The following CPNE8 variants were observed in gnomAD, a reference collection of about 807,000 sequenced individuals.
CPNE8 encodes the protein copine 8.
Under a neutral mutation model 81.5 loss-of-function variants are expected in CPNE8, and 45 were observed. That is an observed-to-expected ratio of 0.55 (90% CI 0.44 to 0.71). The LOEUF (loss-of-function observed/expected upper bound fraction) is 0.71, where lower values mean the gene tolerates loss of function less well. CPNE8 is among the 30% of genes least tolerant of loss of function. The pLI is 0.00. For synonymous variants in CPNE8, 252 were observed against 226.3 expected (o/e 1.11, Z -1.02); for missense variants, 594 against 672.1 (o/e 0.88, Z 1.28).
chr12:38,695,073 G>T (rs1939763684), intron 14 of CPNE8, among the ~76,000 whole-genome samples: 1 of 152,108 alleles, frequency 6.6e-6, no homozygotes, highest in African/African-American at 2.4e-5. Context: ...TTATCAAAAT[G>T]GCCTAATGTT....
chr12:38,900,162 C>T (rs1289017439), intron 1 of CPNE8, among the ~76,000 whole-genome samples: 4 of 149,502 alleles, frequency 2.7e-5, no homozygotes, highest in African/African-American at 9.7e-5. Context: ...AAAGTATCTT[C>T]CTAACACCCT....
chr12:38,825,685 C>T (rs1297286693), intron 6 of CPNE8, among the ~76,000 whole-genome samples: 3 of 152,206 alleles, frequency 2.0e-5, no homozygotes, highest in African/African-American at 7.2e-5. Context: ...CTTCAATCCA[C>T]ATGTTCTTCC....
At chr12:38,707,511 C>T (rs946176146) in intron 13 of CPNE8, among the ~76,000 whole-genome samples, 2 of 151,862 alleles carry the variant, frequency 1.3e-5, no homozygotes, top group African/African-American at 4.8e-5. Context: ...AAGGCAGGAC[C>T]AATGAGCACT....
intron 10 of CPNE8, among the ~76,000 whole-genome samples, chr12:38,734,907 T>A (rs1000817922): frequency 3.9e-5 from 6 of 152,136 alleles, no homozygotes; most frequent in Non-Finnish European, 8.8e-5. Flanking sequence ...CACACGCATG[T>A]GGCTTGTGTT....
intron 1 of CPNE8, among the ~76,000 whole-genome samples, chr12:38,886,194 G>T (rs1944234844): frequency 6.6e-6 from 1 of 152,144 alleles, no homozygotes; most frequent in South Asian, 2.1e-4. Context: ...ACCTGGCAGG[G>T]TGCCACCTCT....
At chr12:38,740,695 T>C (rs1941078080) in intron 10 of CPNE8, among the ~76,000 whole-genome samples, 1 of 152,224 alleles carries the variant, frequency 6.6e-6, no homozygotes, top group South Asian at 2.1e-4. Flanking sequence ...ATTACGTTTA[T>C]TGATTTGCAT....
At chr12:38,851,814 G>T (rs1943650970) in intron 3 of CPNE8, among the ~76,000 whole-genome samples, 1 of 152,080 alleles carries the variant, frequency 6.6e-6, no homozygotes, top group Non-Finnish European at 1.5e-5. Context: ...AAAGGTCCTG[G>T]CTCCTATTTT....
At chr12:38,873,112 A>C (rs1592148644) in intron 2 of CPNE8, 62 bp from the exon 3 acceptor site, 1 of 1,000,124 alleles carries the variant, frequency 1.0e-6, no homozygotes, top group Non-Finnish European at 1.5e-6. Context: ...ATGTGAATGT[A>C]TACAATTTAT....
At chr12:38,858,376 C>T (rs541325175) in intron 3 of CPNE8, among the ~76,000 whole-genome samples, 129 of 152,254 alleles carry the variant, frequency 8.5e-4, no homozygotes, top group African/African-American at 2.6e-3. Flanking sequence ...TAAACAACAA[C>T]TTTTATTAAA....
chr12:38,775,186 A>G (rs1223308928), intron 7 of CPNE8, among the ~76,000 whole-genome samples: 2 of 152,106 alleles, frequency 1.3e-5, no homozygotes, highest in African/African-American at 2.4e-5. Context: ...GTGCAGTGGC[A>G]CAATAGCTCA....
At chr12:38,773,457 T>C (rs887939761) in intron 7 of CPNE8, among the ~76,000 whole-genome samples, 1 of 152,080 alleles carries the variant, frequency 6.6e-6, no homozygotes, top group African/African-American at 2.4e-5. Flanking sequence ...ATTAAATATG[T>C]CCAGTTATTT....
At chr12:38,784,468 A>C (rs972419595) in intron 6 of CPNE8, among the ~76,000 whole-genome samples, 1 of 152,198 alleles carries the variant, frequency 6.6e-6, no homozygotes, top group Non-Finnish European at 1.5e-5. Flanking sequence ...CAAAGAGATA[A>C]TAACTGAGAA....
intron 11 of CPNE8, among the ~76,000 whole-genome samples, chr12:38,729,612 G>A (rs905055259): frequency 2.2e-4 from 34 of 152,012 alleles, no homozygotes; most frequent in Non-Finnish European, 4.4e-5. Context: ...CATCAACCTG[G>A]AAGGGAAGTA....
intron 12 of CPNE8, among the ~76,000 whole-genome samples, chr12:38,724,424 C>A (rs1278493012): frequency 6.6e-6 from 1 of 152,080 alleles, no homozygotes; most frequent in African/African-American, 2.4e-5. Context: ...ACACCATTCC[C>A]ACAGAGTTGT....
chr12:38,828,465 C>T (rs1943234758), intron 6 of CPNE8, among the ~76,000 whole-genome samples: 3 of 151,846 alleles, frequency 2.0e-5, no homozygotes, highest in Admixed American at 2.0e-4. Flanking sequence ...TCTTATTAGC[C>T]TAATAATTTC....
At chr12:38,903,855 C>T (rs1052996736) in intron 1 of CPNE8, among the ~76,000 whole-genome samples, 1 of 152,150 alleles carries the variant, frequency 6.6e-6, no homozygotes, top group African/African-American at 2.4e-5. Flanking sequence ...GCACTTAAAG[C>T]AGTGACAGCA....
chr12:38,786,205 AG>A (rs1303340011), intron 6 of CPNE8, among the ~76,000 whole-genome samples: 1 of 152,212 alleles, frequency 6.6e-6, no homozygotes, highest in African/African-American at 2.4e-5. Context: ...CTGAAAATAA[AG>A]GGATGAAAAA....
chr12:38,745,943 G>A (rs1373384829), intron 10 of CPNE8, among the ~76,000 whole-genome samples: 1 of 152,048 alleles, frequency 6.6e-6, no homozygotes, highest in Non-Finnish European at 1.5e-5. Context: ...CTCACAGATG[G>A]ACCACATCCT....
At chr12:38,792,351 G>A (rs1942346190) in intron 6 of CPNE8, among the ~76,000 whole-genome samples, 2 of 149,032 alleles carry the variant, frequency 1.3e-5, no homozygotes, top group South Asian at 4.2e-4. Flanking sequence ...GATTAACTAC[G>A]AAAAAGAGAA....
Sources: gnomAD v4.1 joint callset for allele counts (sites outside exome capture counted in the v4.1 genomes callset) on GRCh38, gnomAD v4.1.1 for gene constraint, MANE v1.5 for transcripts, NCBI Gene and HGNC (gene_info 2026-07-23, HGNC 2026-07-21) for gene names.